The following CACNA2D3 variants were observed in gnomAD, a reference collection of about 807,000 sequenced individuals.
The protein encoded by CACNA2D3 is calcium voltage-gated channel auxiliary subunit alpha2delta 3.
CACNA2D3 carries 60 observed loss-of-function variants against 160.6 expected under a neutral mutation model. The observed-to-expected ratio is 0.37, with a 90% CI of 0.30 to 0.46. The LOEUF is 0.46. Ranked by LOEUF, CACNA2D3 falls within the 20% of genes least tolerant of loss-of-function variation. The pLI is 1.00. For synonymous variants in CACNA2D3, 558 were observed against 492.9 expected, an observed-to-expected ratio of 1.13 and a Z score of -1.75; for missense variants, 1,205 against 1,365.0, an observed-to-expected ratio of 0.88 and a Z score of 1.85.
intron 4 of CACNA2D3, among the ~76,000 whole-genome samples, chr3:54,403,718 G>T (rs1699515792): frequency 6.6e-6 from 1 of 151,928 alleles, no homozygotes; most frequent in African/African-American, 2.4e-5. Flanking sequence ...TTTATTTTTT[G>T]AAAACTTAAA....
chr3:54,343,232 C>T (rs796457446), intron 3 of CACNA2D3, among the ~76,000 whole-genome samples: 42 of 152,188 alleles, frequency 2.8e-4, no homozygotes, highest in African/African-American at 7.5e-4. Flanking sequence ...AATTCCTGGG[C>T]CCTACCCTGG....
At chr3:54,954,554 T>C (rs1701834438) in intron 27 of CACNA2D3, among the ~76,000 whole-genome samples, 1 of 152,176 alleles carries the variant, frequency 6.6e-6, no homozygotes, top group South Asian at 2.1e-4. Context: ...TCCCTTTGAT[T>C]CTCTTCCCTT....
intron 9 of CACNA2D3, among the ~76,000 whole-genome samples, chr3:54,602,663 G>A (rs1007710403): frequency 2.0e-5 from 3 of 152,120 alleles, no homozygotes; most frequent in Non-Finnish European, 4.4e-5. Context: ...TAGCTCTGAC[G>A]ATAAATATGT....
At chr3:54,618,374 T>TACACAC in intron 9 of CACNA2D3, among the ~76,000 whole-genome samples, 2 of 54,584 alleles carry the variant, frequency 3.7e-5, no homozygotes, top group African/African-American at 1.1e-4. Context: ...TATATATATA[T>TACACAC]GCACACACAC....
intron 35 of CACNA2D3, among the ~76,000 whole-genome samples, chr3:55,065,618 G>A (rs1003555365): frequency 2.6e-5 from 4 of 151,652 alleles, no homozygotes; most frequent in Admixed American, 6.6e-5. Flanking sequence ...AGTGAGCTAC[G>A]ATTGCACCAC....
intron 31 of CACNA2D3, among the ~76,000 whole-genome samples, chr3:54,995,169 T>G (rs974483221): frequency 1.1e-4 from 17 of 152,122 alleles, no homozygotes; most frequent in African/African-American, 4.1e-4. Context: ...AGACAGGGTT[T>G]CGCCATGTTG....
intron 2 of CACNA2D3, among the ~76,000 whole-genome samples, chr3:54,305,124 A>AG (rs1393412466): frequency 1.1e-4 from 16 of 152,342 alleles, no homozygotes; most frequent in Non-Finnish European, 1.9e-4. Flanking sequence ...TTGAACATAA[A>AG]CGTGAGTCAG....
intron 12 of CACNA2D3, 110 bp downstream of exon 12, chr3:54,752,787 G>T (rs1319205034): frequency 1.4e-6 from 1 of 721,476 alleles, no homozygotes; most frequent in Non-Finnish European, 2.4e-6. Context: ...TAAAGTCTGG[G>T]TATATCTAAG....
intron 4 of CACNA2D3, among the ~76,000 whole-genome samples, chr3:54,417,187 A>T (rs1462636523): frequency 6.6e-6 from 1 of 152,242 alleles, no homozygotes; most frequent in Non-Finnish European, 1.5e-5. Context: ...AAAAGCCATG[A>T]GAGTCAGTCT....
At chr3:54,276,218 G>T (rs920279427) in intron 2 of CACNA2D3, among the ~76,000 whole-genome samples, 8 of 152,090 alleles carry the variant, frequency 5.3e-5, no homozygotes, top group Non-Finnish European at 1.0e-4. Flanking sequence ...AGTCAGCAGG[G>T]TTCACACTGG....
chr3:54,658,518 T>C (rs1699912979), intron 11 of CACNA2D3, among the ~76,000 whole-genome samples: 1 of 152,202 alleles, frequency 6.6e-6, no homozygotes, highest in Non-Finnish European at 1.5e-5. Context: ...ATTTTTAAAA[T>C]CAGGTTATTT....
chr3:54,697,160 C>T (rs142811228), intron 11 of CACNA2D3, among the ~76,000 whole-genome samples: 1 of 152,112 alleles, frequency 6.6e-6, no homozygotes, highest in African/African-American at 2.4e-5. Flanking sequence ...TGCTTGTGGT[C>T]CCAGCTACTC....
rs1315086495 is a variant in CACNA2D3, at chr3:54,229,476, A to G, written c.205-90966A>G. Among the ~76,000 whole-genome samples the G allele has an allele frequency of 2.0e-5, 3 of 152,098 alleles. No individual in the cohort carries two copies. In the South Asian group the frequency reaches 6.2e-4, roughly 32 times the overall value. On this transcript the variant is annotated intron_variant, in intron 2 of 37. Transcript: ENST00000474759. ...CCAAAGTGCTGGGATTACAGGCGTG[A>G]GCCACCGTGCCCGGCCAAATTTTTT...
chr3:54,566,841 A>C (rs1282781274), intron 6 of CACNA2D3, among the ~76,000 whole-genome samples: 1 of 152,192 alleles, frequency 6.6e-6, no homozygotes, highest in Non-Finnish European at 1.5e-5. Context: ...AGCCACGATG[A>C]GGGAGCTGAA....
At chr3:54,870,185 C>T (rs1699493053) in intron 17 of CACNA2D3, among the ~76,000 whole-genome samples, 1 of 152,150 alleles carries the variant, frequency 6.6e-6, no homozygotes, top group Non-Finnish European at 1.5e-5. Context: ...AGATCGACCC[C>T]TTCTGGCCCT....
chr3:54,814,965 G>A (rs1217049574), intron 13 of CACNA2D3, among the ~76,000 whole-genome samples: 1 of 152,178 alleles, frequency 6.6e-6, no homozygotes, highest in Non-Finnish European at 1.5e-5. Flanking sequence ...GCTGCGATTC[G>A]ACACAAACAC....
At chr3:54,547,523 G>T (rs767105574) in intron 5 of CACNA2D3, among the ~76,000 whole-genome samples, 1 of 152,000 alleles carries the variant, frequency 6.6e-6, no homozygotes, top group East Asian at 1.9e-4. Flanking sequence ...ACACTCTCCC[G>T]TGGGTAGAGA....
At chr3:54,336,853 A>G (rs1194540816) in intron 3 of CACNA2D3, among the ~76,000 whole-genome samples, 1 of 152,210 alleles carries the variant, frequency 6.6e-6, no homozygotes, top group Non-Finnish European at 1.5e-5. Context: ...TATATAAATT[A>G]AAAGTATATA....
chr3:54,717,836 C>T (rs1396242249), intron 11 of CACNA2D3, among the ~76,000 whole-genome samples: 5 of 117,240 alleles, frequency 4.3e-5, no homozygotes, highest in South Asian at 5.9e-4. Flanking sequence ...GGTGTGTGTG[C>T]GTGAGTGTGT....
Sources: gnomAD v4.1 joint callset for allele counts (sites outside exome capture counted in the v4.1 genomes callset) on GRCh38, gnomAD v4.1.1 for gene constraint, MANE v1.5 for transcripts, NCBI Gene and HGNC (gene_info 2026-07-23, HGNC 2026-07-21) for gene names.